Variants in TNFSF4 observed in about 807,000 individuals in gnomAD.
The protein encoded by TNFSF4 is tumor necrosis factor ligand superfamily member 4.
In TNFSF4, 4 loss-of-function variants were observed where a neutral mutation model predicts 7.3. That is an observed-to-expected ratio of 0.55 (90% CI 0.27 to 1.25). The LOEUF (loss-of-function observed/expected upper bound fraction) is 1.25. Among genes scored for constraint, TNFSF4 ranks in the 50% most tolerant of loss-of-function variants. The pLI, the probability that TNFSF4 is intolerant of heterozygous loss-of-function variation, is 0.12. For synonymous variants in TNFSF4, 76 were observed against 83.7 expected (o/e 0.91, Z 0.50); for missense variants, 181 against 208.8 (o/e 0.87, Z 0.82).
At chr1:173,264,337 T>C in the TNFSF4 span, among the ~76,000 whole-genome samples, 2 of 146,184 alleles carry the variant, frequency 1.4e-5, no homozygotes, top group Non-Finnish European at 3.0e-5. Context: ...TTTTTTTTTT[T>C]TTGTAGAGAC....
chr1:173,234,037 C>T, the TNFSF4 span, among the ~76,000 whole-genome samples: 1 of 152,144 alleles, frequency 6.6e-6, no homozygotes, highest in African/African-American at 2.4e-5. Flanking sequence ...AAAATTTTTG[C>T]AATCTACTCA....
the TNFSF4 span, among the ~76,000 whole-genome samples, chr1:173,255,903 A>G: frequency 1.3e-5 from 2 of 152,208 alleles, no homozygotes; most frequent in African/African-American, 2.4e-5. Context: ...CTAACAAGAT[A>G]CCATTGTAAT....
the TNFSF4 span, among the ~76,000 whole-genome samples, chr1:173,379,585 C>T: frequency 6.6e-6 from 1 of 152,136 alleles, no homozygotes; most frequent in Non-Finnish European, 1.5e-5. Flanking sequence ...GCTCCAAAAG[C>T]GAGCCCTGGG....
At chr1:173,314,884 A>T in the TNFSF4 span, among the ~76,000 whole-genome samples, 28 of 152,210 alleles carry the variant, frequency 1.8e-4, no homozygotes, top group Non-Finnish European at 2.8e-4. Flanking sequence ...GTGAAGTACA[A>T]TGGGTATAAT....
the TNFSF4 span, among the ~76,000 whole-genome samples, chr1:173,215,113 C>T: frequency 6.6e-6 from 1 of 152,002 alleles, no homozygotes; most frequent in African/African-American, 2.4e-5. Context: ...AATTTAGGGC[C>T]TTTAGAAGAA....
the TNFSF4 span, among the ~76,000 whole-genome samples, chr1:173,438,633 G>A: frequency 4.5e-4 from 69 of 151,854 alleles, 1 homozygote; most frequent in Admixed American, 4.4e-3. Context: ...TTCCATACTG[G>A]CAAATCTCTT....
At chr1:173,259,159 A>G in the TNFSF4 span, among the ~76,000 whole-genome samples, 1 of 151,978 alleles carries the variant, frequency 6.6e-6, no homozygotes, top group East Asian at 1.9e-4. Flanking sequence ...TACCATCTTT[A>G]CTGTTCTGCA....
At chr1:173,253,718 A>C in the TNFSF4 span, among the ~76,000 whole-genome samples, 1 of 152,238 alleles carries the variant, frequency 6.6e-6, no homozygotes, top group African/African-American at 2.4e-5. Flanking sequence ...CTGTGAAGGT[A>C]GCTGGATAAG....
At chr1:173,397,795 C>T in the TNFSF4 span, among the ~76,000 whole-genome samples, 4 of 152,118 alleles carry the variant, frequency 2.6e-5, no homozygotes, top group Admixed American at 1.3e-4. Context: ...ACACAACCTT[C>T]CCAGAGGAAT....
In TNFSF4 at chr1:173,200,131, A is replaced by G. The variant is rs957997113; in HGVS notation, c.153+6893T>C. Reference sequence around the variant, plus strand: ...TCTTCAAAAAACACTAATGCCAAAAAAGAAAATGAATTTTAAAAACAGCTA... The same window carrying G: ...TCTTCAAAAAACACTAATGCCAAAAGAGAAAATGAATTTTAAAAACAGCTA... On this transcript the variant is annotated intron_variant, in intron 1 of 2. Coordinates refer to ENST00000281834, the MANE Select transcript of TNFSF4 (RefSeq NM_003326.5). 2.0e-5 allele frequency among the ~76,000 whole-genome samples: 3 copies of G among 152,242 alleles called. No homozygotes were observed. In the South Asian group the frequency reaches 6.2e-4, roughly 31 times the overall value.
chr1:173,331,348 A>T, the TNFSF4 span, among the ~76,000 whole-genome samples: 2 of 152,350 alleles, frequency 1.3e-5, no homozygotes, highest in East Asian at 3.8e-4. Context: ...GTTTTCTTGG[A>T]AAACACCACT....
chr1:173,228,609 C>A, the TNFSF4 span, among the ~76,000 whole-genome samples: 1 of 152,160 alleles, frequency 6.6e-6, no homozygotes, highest in Non-Finnish European at 1.5e-5. Context: ...GAGAAGAAGG[C>A]TTCAGATGAT....
the TNFSF4 span, among the ~76,000 whole-genome samples, chr1:173,308,780 T>C: frequency 6.6e-6 from 1 of 151,998 alleles, no homozygotes; most frequent in Admixed American, 6.6e-5. Flanking sequence ...CCCATTCATA[T>C]GTCTAGTTAT....
the TNFSF4 span, among the ~76,000 whole-genome samples, chr1:173,449,741 A>G: frequency 6.6e-6 from 1 of 152,228 alleles, no homozygotes; most frequent in South Asian, 2.1e-4. Context: ...TTAGAAAAGT[A>G]AATGAAAGAG....
the TNFSF4 span, among the ~76,000 whole-genome samples, chr1:173,360,444 T>G: frequency 6.6e-6 from 1 of 152,232 alleles, no homozygotes; most frequent in Non-Finnish European, 1.5e-5. Context: ...ATGACAATTT[T>G]GAAGATCAAA....
chr1:173,328,232 T>G, the TNFSF4 span, among the ~76,000 whole-genome samples: 1 of 151,862 alleles, frequency 6.6e-6, no homozygotes, highest in Non-Finnish European at 1.5e-5. Flanking sequence ...AAAACCATCA[T>G]TCTCAGCAAA....
At chr1:173,178,991 G>A (rs577841181), downstream of TNFSF4, among the ~76,000 whole-genome samples, 1 of 152,296 alleles carries the variant, frequency 6.6e-6, no homozygotes, top group Admixed American at 6.5e-5. Flanking sequence ...AGTGAGAAAT[G>A]CCTCTAGAAT....
the TNFSF4 span, among the ~76,000 whole-genome samples, chr1:173,397,561 T>TGAACTATTTCAGTGGGTCCC: frequency 2.0e-5 from 3 of 152,190 alleles, no homozygotes; most frequent in Non-Finnish European, 2.9e-5. Context: ...TAGTGGGCCC[T>TGAACTATTTCAGTGGGTCCC]GAACTATTTC....
At chr1:173,386,809 G>A in the TNFSF4 span, among the ~76,000 whole-genome samples, 3 of 152,218 alleles carry the variant, frequency 2.0e-5, no homozygotes, top group East Asian at 1.9e-4. Context: ...TTCAGAAGAC[G>A]GGATATGGAG....
Sources: allele counts gnomAD v4.1 joint callset (sites outside exome capture counted in the v4.1 genomes callset), GRCh38; gene constraint gnomAD v4.1.1; transcripts MANE v1.5; gene names NCBI Gene and HGNC (gene_info 2026-07-23, HGNC 2026-07-21).